Variants in LIN52 observed in about 807,000 individuals in gnomAD.
The protein encoded by LIN52 is lin-52 DREAM MuvB core complex component.
A neutral mutation model predicts 18.5 loss-of-function variants in LIN52; 4 were observed. The observed-to-expected ratio is 0.22, with a 90% CI of 0.11 to 0.49. The LOEUF is 0.49. Ranked by LOEUF, LIN52 falls within the 20% of genes least tolerant of loss-of-function variation. The pLI, the probability that LIN52 is intolerant of heterozygous loss-of-function variation, is 0.97. For missense variants in LIN52, 102 were observed against 139.5 expected, an observed-to-expected ratio of 0.73 and a Z score of 1.35; for synonymous variants, 34 against 45.5, an observed-to-expected ratio of 0.75 and a Z score of 1.02.
chr14:74,093,960 G>GCAACAAGA (rs1341871246), intron 2 of LIN52, among the ~76,000 whole-genome samples: 1 of 147,514 alleles, frequency 6.8e-6, no homozygotes, highest in Non-Finnish European at 1.5e-5. Context: ...TCCAGGTTGA[G>GCAACAAGA]CAACAAGAGT....
intron 5 of LIN52, among the ~76,000 whole-genome samples, chr14:74,106,321 G>A (rs2060896934): frequency 6.6e-6 from 1 of 152,068 alleles, no homozygotes; most frequent in African/African-American, 2.4e-5. Flanking sequence ...CCAGGCTGGA[G>A]TGCCATGGCC....
chr14:74,100,431 G>A (rs1401609174), intron 4 of LIN52, among the ~76,000 whole-genome samples: 1 of 152,094 alleles, frequency 6.6e-6, no homozygotes, highest in Admixed American at 6.5e-5. Flanking sequence ...CTCCTGAGTA[G>A]CTGGGACTAC....
chr14:74,188,711 A>C (rs946203938), intron 5 of LIN52, among the ~76,000 whole-genome samples: 28 of 152,158 alleles, frequency 1.8e-4, no homozygotes, highest in Admixed American at 1.7e-3. Flanking sequence ...TATTTTGTTA[A>C]GCGTTATTCG....
At chr14:74,104,709 T>C (rs955733207) in intron 5 of LIN52, among the ~76,000 whole-genome samples, 5 of 151,110 alleles carry the variant, frequency 3.3e-5, no homozygotes, top group African/African-American at 1.2e-4. Context: ...GATCTAACTA[T>C]CAGGAAATAA....
chr14:74,125,068 A>G (rs1425941543), intron 5 of LIN52, among the ~76,000 whole-genome samples: 1 of 152,190 alleles, frequency 6.6e-6, no homozygotes, highest in Admixed American at 6.5e-5. Flanking sequence ...TTAGAACTCA[A>G]CAACAAAAAA....
intron 5 of LIN52, among the ~76,000 whole-genome samples, chr14:74,102,000 C>T (rs552543691): frequency 6.6e-6 from 1 of 152,208 alleles, no homozygotes; most frequent in Admixed American, 6.6e-5. Context: ...GTCTTGAACT[C>T]TTGGGTTTAA....
chr14:74,112,587 A>G (rs1726065840), intron 5 of LIN52, among the ~76,000 whole-genome samples: 1 of 152,178 alleles, frequency 6.6e-6, no homozygotes, highest in Non-Finnish European at 1.5e-5. Flanking sequence ...GCAATGCTCT[A>G]TTACATTAAA....
intron 5 of LIN52, among the ~76,000 whole-genome samples, chr14:74,161,745 G>C (rs1344206388): frequency 1.3e-5 from 2 of 152,180 alleles, no homozygotes; most frequent in African/African-American, 4.8e-5. Context: ...AAGAATCTTT[G>C]GGGGAGGGAG....
intron 5 of LIN52, among the ~76,000 whole-genome samples, chr14:74,147,359 A>ATATAAG (rs2061156514): frequency 6.6e-6 from 1 of 152,220 alleles, no homozygotes; most frequent in African/African-American, 2.4e-5. Flanking sequence ...ATGGACCTAA[A>ATATAAG]TATAAGAGCT....
At chr14:74,099,382 G>A (rs557147271) in intron 4 of LIN52, among the ~76,000 whole-genome samples, 3 of 152,180 alleles carry the variant, frequency 2.0e-5, no homozygotes, top group African/African-American at 7.2e-5. Flanking sequence ...TAAGTCTCAA[G>A]GGCATCTCAG....
In LIN52 at chr14:74,175,743, CA is replaced by C. The variant is rs879331878; in HGVS notation, c.284-23178del. ...ACACACACACACACACACACACACA[CA>C]CACACACCCCCATTATACAGCTATA... On this transcript the variant is annotated intron_variant, in intron 5 of 5. Transcript: ENST00000555028. Among the ~76,000 whole-genome samples, 668 of 142,410 alleles carry C rather than the reference CA, an allele frequency of 4.7e-3. 3 individuals carry two copies. Among genetic ancestry groups the C allele is most frequent in the Admixed American group, 0.01 (148 of 14,594 alleles). The allele number at this position is 142,410 out of a possible 152,430, so 93.4% of individuals were successfully genotyped here.
chr14:74,118,131 A>G (rs1595161321), intron 5 of LIN52, among the ~76,000 whole-genome samples: 2 of 152,168 alleles, frequency 1.3e-5, no homozygotes, highest in Admixed American at 1.3e-4. Context: ...ACAAGCTGAA[A>G]ATTCCTGTAG....
intron 3 of LIN52, 48 bp from the exon 4 acceptor site, chr14:74,097,746 C>A: frequency 7.5e-7 from 1 of 1,334,818 alleles, no homozygotes; most frequent in Non-Finnish European, 1.1e-6. Flanking sequence ...ATAATAGGGT[C>A]TCCTCACACT....
chr14:74,170,959 T>C (rs1418261006), intron 5 of LIN52, among the ~76,000 whole-genome samples: 1 of 151,320 alleles, frequency 6.6e-6, no homozygotes, highest in Non-Finnish European at 1.5e-5. Flanking sequence ...GGCTGGTATA[T>C]TGCTTGAGCC....
At chr14:74,132,730 A>T (rs1288508740) in intron 5 of LIN52, among the ~76,000 whole-genome samples, 4 of 152,094 alleles carry the variant, frequency 2.6e-5, no homozygotes, top group Non-Finnish European at 5.9e-5. Flanking sequence ...GATGGTCTCG[A>T]TCTTTTGACC....
intron 5 of LIN52, among the ~76,000 whole-genome samples, chr14:74,162,229 A>G (rs577236668): frequency 7.2e-5 from 11 of 152,124 alleles, no homozygotes; most frequent in Non-Finnish European, 1.2e-4. Flanking sequence ...TAATCCCAGC[A>G]CTTTGGGAGG....
chr14:74,111,819 C>A (rs1263974573), intron 5 of LIN52, among the ~76,000 whole-genome samples: 1 of 151,724 alleles, frequency 6.6e-6, no homozygotes, highest in Non-Finnish European at 1.5e-5. Context: ...GAAAGACTAC[C>A]CACATCTCTT....
intron 5 of LIN52, among the ~76,000 whole-genome samples, chr14:74,115,642 G>T (rs1419616672): frequency 6.6e-6 from 1 of 152,152 alleles, no homozygotes; most frequent in East Asian, 1.9e-4. Context: ...TTCTTAATTA[G>T]AAATTGTCAA....
chr14:74,195,069 C>A (rs1037567896), intron 5 of LIN52, among the ~76,000 whole-genome samples: 11 of 152,048 alleles, frequency 7.2e-5, no homozygotes, highest in African/African-American at 2.7e-4. Flanking sequence ...TCACTTGAAC[C>A]GGGGAGGCAG....
Sources: gnomAD v4.1 joint callset for allele counts (sites outside exome capture counted in the v4.1 genomes callset) on GRCh38, gnomAD v4.1.1 for gene constraint, MANE v1.5 for transcripts, NCBI Gene and HGNC (gene_info 2026-07-23, HGNC 2026-07-21) for gene names.